Variants in CADPS2 observed in about 807,000 individuals in gnomAD.
CADPS2 encodes calcium-dependent secretion activator 2.
Under a neutral mutation model 172.5 loss-of-function variants are expected in CADPS2, and 93 were observed. The ratio of observed to expected loss-of-function variants is 0.54; its 90% confidence interval spans 0.46 to 0.64. The LOEUF is 0.64. Ranked by LOEUF, CADPS2 falls within the 30% of genes least tolerant of loss-of-function variation. CADPS2 has a pLI of 0.00. For missense variants in CADPS2, 1,420 were observed against 1,565.9 expected, an observed-to-expected ratio of 0.91 and a Z score of 1.57; for synonymous variants, 546 against 555.2, an observed-to-expected ratio of 0.98 and a Z score of 0.23.
At position 122,473,291 on chromosome 7, in the gene CADPS2, G is replaced by A. The variant is rs980322786; in HGVS notation, c.1998+1090C>T. ...TGTACCTTACTTCTGTTTTCTGTAC[G>A]TCACTTTCCTTTTTCTGTCTATAAA... On this transcript the variant is annotated intron_variant, in intron 13 of 29. Coordinates refer to ENST00000449022, the MANE Select transcript of CADPS2 (RefSeq NM_017954.11). Among the ~76,000 whole-genome samples the A allele has an allele frequency of 7.2e-5, 11 of 152,100 alleles. No individual in the cohort carries two copies. The South Asian group carries it at 1.0e-3, about 14-fold the overall frequency.
At chr7:122,662,844 C>T (rs2430035) in intron 3 of CADPS2, among the ~76,000 whole-genome samples, 116,211 of 152,106 alleles carry the variant, frequency 0.76, 44,479 homozygotes, top group Non-Finnish European at 0.81. Flanking sequence ...ACTCAGAAGA[C>T]CAGCATCATA....
chr7:122,499,904 A>T (rs1361294991), intron 9 of CADPS2, among the ~76,000 whole-genome samples: 1 of 152,194 alleles, frequency 6.6e-6, no homozygotes, highest in Non-Finnish European at 1.5e-5. Context: ...GACTAAAAAA[A>T]GTCACCTGAC....
rs1376462970 is a variant in CADPS2, at chr7:122,407,540, T to C, written c.2746A>G (p.Thr916Ala). 2 of 1,608,756 alleles carry C rather than the reference T, an allele frequency of 1.2e-6. No homozygotes were observed. Among genetic ancestry groups the C allele is most frequent in the Non-Finnish European group, 1.7e-6 (2 of 1,177,866 alleles). ...TATGAAAGAAAACGCAAATGCTCAC[T>C]GTCATTTCGGAGGAAATTATTAAGC... ...QLLNNFLRND[T>A]LLCNGKFHKH... The change falls in exon 20 of 30, where the codon ACA (threonine) becomes GCA (alanine). Residue 916 changes from threonine to alanine, a missense_variant and splice_region_variant. Coordinates refer to ENST00000449022, the MANE Select transcript of CADPS2 (RefSeq NM_017954.11).
intron 1 of CADPS2, among the ~76,000 whole-genome samples, chr7:122,745,384 G>C (rs115878668): frequency 0.01 from 1,540 of 151,922 alleles, 25 homozygotes; most frequent in African/African-American, 0.035. Context: ...CATCTAGTAA[G>C]AGACAGGGAT....
intron 27 of CADPS2, 141 bp downstream of exon 27, chr7:122,360,647 G>A: frequency 1.4e-6 from 1 of 700,944 alleles, no homozygotes; most frequent in Non-Finnish European, 2.4e-6. Flanking sequence ...TTGTTATGAA[G>A]GTTAGTGCTT....
At chr7:122,538,272 T>A (rs2062532853) in intron 8 of CADPS2, among the ~76,000 whole-genome samples, 1 of 151,106 alleles carries the variant, frequency 6.6e-6, no homozygotes, top group South Asian at 2.1e-4. Flanking sequence ...AAGAAAAAAA[T>A]TATAGACCAA....
At chr7:122,522,296 G>T (rs759875653) in intron 8 of CADPS2, among the ~76,000 whole-genome samples, 1 of 151,872 alleles carries the variant, frequency 6.6e-6, no homozygotes, top group Non-Finnish European at 1.5e-5. Flanking sequence ...TGTACTTTTG[G>T]TAGAGACGGG....
chr7:122,852,349 T>A (rs546380462), intron 1 of CADPS2, among the ~76,000 whole-genome samples: 81 of 152,336 alleles, frequency 5.3e-4, no homozygotes, highest in Admixed American at 2.2e-3. Context: ...GGAGAATTTT[T>A]AAAAATCTCT....
intron 1 of CADPS2, among the ~76,000 whole-genome samples, chr7:122,838,277 T>A (rs1474992487): frequency 6.6e-6 from 1 of 152,166 alleles, no homozygotes; most frequent in Non-Finnish European, 1.5e-5. Context: ...ATGGGACATA[T>A]CTCAAAATAA....
intron 7 of CADPS2, among the ~76,000 whole-genome samples, chr7:122,563,003 G>T (rs1239872129): frequency 2.0e-5 from 3 of 152,190 alleles, no homozygotes; most frequent in South Asian, 4.1e-4. Flanking sequence ...AATTATTTCT[G>T]CTATTTCAAA....
chr7:122,725,498 C>A (rs1378475868), intron 2 of CADPS2, among the ~76,000 whole-genome samples: 2 of 151,572 alleles, frequency 1.3e-5, no homozygotes, highest in Non-Finnish European at 2.9e-5. Context: ...TACCCATCAC[C>A]CAAATAGTGT....
chr7:122,621,828 A>C (rs2075634763), intron 4 of CADPS2, 111 bp from the exon 5 acceptor site: 2 of 669,714 alleles, frequency 3.0e-6, no homozygotes, highest in Admixed American at 6.0e-5. Context: ...AACACTCTCA[A>C]TATATCTATC....
At chr7:122,715,191 T>C (rs2089412317) in intron 2 of CADPS2, among the ~76,000 whole-genome samples, 1 of 152,202 alleles carries the variant, frequency 6.6e-6, no homozygotes, top group African/African-American at 2.4e-5. Flanking sequence ...TATCCCTTAT[T>C]CACATTGTTC....
intron 1 of CADPS2, among the ~76,000 whole-genome samples, chr7:122,794,959 C>G (rs764842511): frequency 3.3e-5 from 5 of 152,052 alleles, no homozygotes; most frequent in Non-Finnish European, 5.9e-5. Context: ...CTCTGGGACA[C>G]AGCTAAGGCC....
chr7:122,556,087 T>C (rs2064995945), intron 7 of CADPS2, among the ~76,000 whole-genome samples: 1 of 151,968 alleles, frequency 6.6e-6, no homozygotes, highest in Admixed American at 6.6e-5. Flanking sequence ...CTCAAGTATA[T>C]AAAGGACATC....
intron 3 of CADPS2, among the ~76,000 whole-genome samples, chr7:122,639,034 G>A (rs903959281): frequency 3.3e-5 from 5 of 152,150 alleles, no homozygotes; most frequent in Admixed American, 2.6e-4. Context: ...AGGCCAAAGG[G>A]TACTAACTTC....
At chr7:122,363,350 C>T (rs2040432095) in intron 25 of CADPS2, among the ~76,000 whole-genome samples, 2 of 152,124 alleles carry the variant, frequency 1.3e-5, no homozygotes, top group African/African-American at 4.8e-5. Context: ...GGCTGTAGCC[C>T]AGCACCTGAT....
At chr7:122,483,535 TACATGTACATAACATGTACATAATGG>T (rs1447620259) in intron 11 of CADPS2, among the ~76,000 whole-genome samples, 3 of 152,140 alleles carry the variant, frequency 2.0e-5, no homozygotes, top group Non-Finnish European at 4.4e-5. Flanking sequence ...AATGGTAATG[TACATGTACATAACATGTACATAATGG>T]ACATGTACAA....
intron 27 of CADPS2, among the ~76,000 whole-genome samples, chr7:122,346,781 T>C (rs982703864): frequency 4.6e-5 from 7 of 152,210 alleles, no homozygotes; most frequent in Non-Finnish European, 7.3e-5. Flanking sequence ...TAGTAAGGGA[T>C]AGATGCCTGC....
Sources: gnomAD v4.1 joint callset for allele counts (sites outside exome capture counted in the v4.1 genomes callset) on GRCh38, gnomAD v4.1.1 for gene constraint, MANE v1.5 for transcripts, NCBI Gene and HGNC (gene_info 2026-07-23, HGNC 2026-07-21) for gene names.